Variants in DPP6 observed in about 807,000 individuals in gnomAD.
DPP6 encodes the protein dipeptidyl peptidase like 6.
A neutral mutation model predicts 122.6 loss-of-function variants in DPP6; 69 were observed. That is an observed-to-expected ratio of 0.56 (90% CI 0.46 to 0.69). The LOEUF is 0.69. DPP6 is among the 30% of genes least tolerant of loss of function. DPP6 has a pLI of 0.00. For synonymous variants in DPP6, 418 were observed against 433.1 expected, an observed-to-expected ratio of 0.97 and a Z score of 0.43; for missense variants, 928 against 1,116.9, an observed-to-expected ratio of 0.83 and a Z score of 2.41.
chr7:154,066,284 T>C (rs1226801810), intron 1 of DPP6, among the ~76,000 whole-genome samples: 1 of 152,294 alleles, frequency 6.6e-6, no homozygotes, highest in East Asian at 1.9e-4. Context: ...GGTGTTGAAC[T>C]CCTGGCCTCA....
intron 16 of DPP6, among the ~76,000 whole-genome samples, chr7:154,834,531 G>C (rs920795413): frequency 6.6e-6 from 1 of 151,962 alleles, no homozygotes; most frequent in African/African-American, 2.4e-5. Flanking sequence ...CATTTATTTC[G>C]CTCTAATAAT....
chr7:154,549,786 T>C (rs749916710), intron 4 of DPP6, among the ~76,000 whole-genome samples: 34 of 152,088 alleles, frequency 2.2e-4, no homozygotes, highest in Non-Finnish European at 4.7e-4. Context: ...GGGTAGATCA[T>C]GACACGAGGT....
At chr7:154,383,967 A>G (rs573058533) in intron 1 of DPP6, among the ~76,000 whole-genome samples, 2 of 151,722 alleles carry the variant, frequency 1.3e-5, no homozygotes, top group Non-Finnish European at 2.9e-5. Flanking sequence ...GGATTCTTTA[A>G]ACTCCTCTGC....
chr7:154,734,998 G>T (rs2131389561), intron 8 of DPP6, among the ~76,000 whole-genome samples: 1 of 152,284 alleles, frequency 6.6e-6, no homozygotes. Context: ...TAAAATAAGA[G>T]GCACCTGCTC....
intron 1 of DPP6, among the ~76,000 whole-genome samples, chr7:154,256,755 G>A (rs953655634): frequency 3.3e-5 from 5 of 152,170 alleles, no homozygotes; most frequent in African/African-American, 4.8e-5. Flanking sequence ...TCAGTAGGTC[G>A]TTCTTGATGA....
chr7:154,752,437 GC>G (rs903479676), intron 8 of DPP6, among the ~76,000 whole-genome samples: 5 of 152,090 alleles, frequency 3.3e-5, no homozygotes. Context: ...AAAAGATGTT[GC>G]CCTGGCTCTC....
intron 1 of DPP6, among the ~76,000 whole-genome samples, chr7:154,244,495 G>T (rs1248709244): frequency 1.3e-5 from 2 of 152,094 alleles, no homozygotes; most frequent in East Asian, 3.8e-4. Context: ...GAAAATCTAT[G>T]TGTGTTTGTT....
intron 1 of DPP6, among the ~76,000 whole-genome samples, chr7:154,062,622 C>G (rs1345825096): frequency 1.6e-4 from 6 of 38,484 alleles, no homozygotes; most frequent in Non-Finnish European, 9.1e-5. Flanking sequence ...GGTTCCCCCA[C>G]TGGCTCTTAG....
intron 1 of DPP6, among the ~76,000 whole-genome samples, chr7:153,907,610 A>G (rs1799903513): frequency 6.6e-6 from 1 of 152,174 alleles, no homozygotes; most frequent in African/African-American, 2.4e-5. Flanking sequence ...AGTAAAGCAG[A>G]TTGCCTTCCC....
Position 154,875,657 on chromosome 7 carries a change from G to A in DPP6, c.1884-249G>A, listed in dbSNP as rs890081130. Among the ~76,000 whole-genome samples the A allele has an allele frequency of 1.3e-5, 2 of 152,234 alleles. No homozygotes were observed. Among genetic ancestry groups the A allele is most frequent in the East Asian group, 1.9e-4 (1 of 5,174 alleles). ...CTTTTTGGTGGCCGTCCCAGACAGC[G>A]CCGGTGTGTGTAGGGATGGCCCTGG... On this transcript the variant is annotated intron_variant, in intron 19 of 25. Transcript: ENST00000377770. The surrounding 1 kb of genome is among the most constrained non-coding windows in gnomAD (Gnocchi z 4.5).
the DPP6 span, among the ~76,000 whole-genome samples, chr7:153,820,467 C>T: frequency 4.3e-4 from 66 of 152,226 alleles, 1 homozygote; most frequent in African/African-American, 1.3e-3. Flanking sequence ...AATCAAGAAC[C>T]CAGGTCCCTC....
intron 7 of DPP6, among the ~76,000 whole-genome samples, chr7:154,694,895 CCA>C (rs962289047): frequency 2.0e-5 from 3 of 151,958 alleles, no homozygotes; most frequent in African/African-American, 7.3e-5. Context: ...TCTCCTCGTG[CCA>C]CACACACACA....
In DPP6 at chr7:154,238,459, C is replaced by T. The variant is rs183016015; in HGVS notation, c.243+185396C>T. On this transcript the variant is annotated intron_variant, in intron 1 of 25. Transcript: ENST00000377770. ...GGTGATAATAGCAATAACTGGCTAG[C>T]GTGGATTAAGAGGTTAAGTCAGAGT... Among the ~76,000 whole-genome samples the T allele has an allele frequency of 2.8e-4, 43 of 152,136 alleles. 1 individual carries two copies. The highest frequency in any genetic ancestry group is 1.7e-3 in the Admixed American group (26 of 15,294).
chr7:154,647,047 C>T (rs1836530238), intron 6 of DPP6, among the ~76,000 whole-genome samples: 1 of 152,172 alleles, frequency 6.6e-6, no homozygotes, highest in African/African-American at 2.4e-5. Context: ...CCTTGTTCAT[C>T]TTAAACTCTA....
At chr7:154,580,816 A>G (rs974397578) in intron 5 of DPP6, among the ~76,000 whole-genome samples, 14 of 152,180 alleles carry the variant, frequency 9.2e-5, no homozygotes, top group Admixed American at 8.5e-4. Flanking sequence ...GCCATGGGAA[A>G]CACCTGCAGC....
At chr7:154,641,516 T>C (rs1836088638) in intron 6 of DPP6, among the ~76,000 whole-genome samples, 1 of 152,218 alleles carries the variant, frequency 6.6e-6, no homozygotes, top group South Asian at 2.1e-4. Flanking sequence ...GACATTTTCC[T>C]GGCATGACTT....
intron 8 of DPP6, among the ~76,000 whole-genome samples, chr7:154,763,372 GAGAGAA>G (rs1309662134): frequency 1.3e-5 from 2 of 151,530 alleles, no homozygotes; most frequent in African/African-American, 2.4e-5. Flanking sequence ...GAGAGAGAGA[GAGAGAA>G]AGAAAGAAAG....
intron 7 of DPP6, among the ~76,000 whole-genome samples, chr7:154,713,050 C>T (rs575916926): frequency 4.1e-4 from 63 of 152,348 alleles, no homozygotes; most frequent in African/African-American, 1.5e-3. Flanking sequence ...TATACCCATT[C>T]CAAATGGCAG....
At chr7:153,882,603 A>G (rs149527885), upstream of DPP6, among the ~76,000 whole-genome samples, 211 of 152,390 alleles carry the variant, frequency 1.4e-3, 1 homozygote, top group Non-Finnish European at 3.5e-4. Flanking sequence ...TGCTAATGCC[A>G]GCAGTACATA....
Sources: allele counts gnomAD v4.1 joint callset (sites outside exome capture counted in the v4.1 genomes callset), GRCh38; gene constraint gnomAD v4.1.1; non-coding constraint Gnocchi (gnomAD v3.1); transcripts MANE v1.5; gene names NCBI Gene and HGNC (gene_info 2026-07-23, HGNC 2026-07-21).